ELN: variants seen among roughly 807,000 people sequenced by gnomAD.
The protein encoded by ELN is tropoelastin.
Under a neutral mutation model 105.8 loss-of-function variants are expected in ELN, and 65 were observed. The ratio of observed to expected loss-of-function variants is 0.61; its 90% CI spans 0.50 to 0.75. ELN has a LOEUF of 0.75. Among genes scored for constraint, ELN ranks in the 30% least tolerant of loss-of-function variants. The probability of loss-of-function intolerance (pLI) is 0.00; values close to 1 mark genes in which losing one functional copy is unlikely to be tolerated. For synonymous variants in ELN, 368 were observed against 389.2 expected (o/e 0.95, Z 0.64); for missense variants, 882 against 969.4 (o/e 0.91, Z 1.20).
intron 11 of ELN, 26 bp downstream of exon 11, chr7:74,046,243 AG>A (rs781817134): frequency 2.9e-5 from 46 of 1,614,024 alleles, no homozygotes; most frequent in Non-Finnish European, 3.7e-5. Context: ...TGGGAGAAGC[AG>A]GGTGGCCAGC....
chr7:74,059,551 G>A (rs1474196146), intron 22 of ELN: 2 of 442,704 alleles, frequency 4.5e-6, no homozygotes, highest in Non-Finnish European at 8.3e-6. Context: ...GGGCATGGTG[G>A]TGCGCACCTG....
At chr7:74,065,775 C>T in intron 30 of ELN, 43 bp downstream of exon 30, 1 of 1,613,680 alleles carries the variant, frequency 6.2e-7, no homozygotes, top group East Asian at 2.2e-5. Context: ...GCCTGCACCC[C>T]CTGCCATGCC....
At chr7:74,064,566 A>T (rs921677248) in intron 29 of ELN, among the ~76,000 whole-genome samples, 1 of 152,032 alleles carries the variant, frequency 6.6e-6, no homozygotes, top group Non-Finnish European at 1.5e-5. Context: ...CAGTGAGCCA[A>T]GATCACGCCG....
chr7:74,057,952 T>C (rs1300104050), intron 22 of ELN, among the ~76,000 whole-genome samples: 2 of 152,116 alleles, frequency 1.3e-5, no homozygotes, highest in Non-Finnish European at 2.9e-5. Context: ...CCCAGGCTAT[T>C]GGGGACCTGA....
chr7:74,067,332 A>C (rs1798174007), intron 32 of ELN, among the ~76,000 whole-genome samples: 1 of 151,722 alleles, frequency 6.6e-6, no homozygotes, highest in Non-Finnish European at 1.5e-5. Flanking sequence ...CAGTGGCACG[A>C]TCTTGGCTCA....
At position 74,063,896 on chromosome 7, in the gene ELN, A is replaced by G. The variant is rs1162494576; in HGVS notation, c.1993+201A>G. 6.6e-6 allele frequency among the ~76,000 whole-genome samples: 1 copy of G among 151,814 alleles called. No homozygotes were observed. Among genetic ancestry groups the G allele is most frequent in the African/African-American group, 2.4e-5 (1 of 41,288 alleles). On this transcript the variant is annotated intron_variant, in intron 29 of 32. Coordinates refer to ENST00000252034, the MANE Select transcript of ELN (RefSeq NM_000501.4). The surrounding 1 kb of genome is among the most constrained non-coding windows in gnomAD (Gnocchi z 4.1). The stretch of plus-strand genomic sequence containing the variant: ...GGTGGGCGGATCACTAGAGGTGAGG[A>G]GTTTGAGACCAGCCTGGGTGACATG...
intron 12 of ELN, 148 bp downstream of exon 12, chr7:74,046,915 C>G (rs1049842766): frequency 2.2e-5 from 20 of 926,478 alleles, no homozygotes; most frequent in Admixed American, 2.0e-5. Flanking sequence ...AAAACCCCGT[C>G]CCTACTAAAG....
At chr7:74,065,023 T>C (rs1390807253) in intron 29 of ELN, among the ~76,000 whole-genome samples, 2 of 151,980 alleles carry the variant, frequency 1.3e-5, no homozygotes, top group Non-Finnish European at 2.9e-5. Context: ...GGTGGATTGC[T>C]TGAGGCCAGG....
At chr7:74,041,192 C>A in intron 4 of ELN, 24 bp from the exon 5 acceptor site, 3 of 1,613,970 alleles carry the variant, frequency 1.9e-6, no homozygotes, top group South Asian at 2.2e-5. Flanking sequence ...TGCCTACACT[C>A]CTGTCTCTGT....
Position 74,063,408 on chromosome 7 carries a change from C to G in ELN, c.1918+39C>G. 1 of 1,544,370 alleles carries G rather than the reference C, an allele frequency of 6.5e-7. No homozygotes were observed. Among genetic ancestry groups the G allele is most frequent in the Non-Finnish European group, 8.7e-7 (1 of 1,147,884 alleles). ...GGAGGTGGGAGCTGCCGCCAGGCCC[C>G]CAGGCCCCCAGGGTGTGGGAGGAGC... is the stretch of plus-strand genomic sequence containing the variant. On this transcript the variant is annotated intron_variant, in intron 28 of 32. Coordinates refer to ENST00000252034, the MANE Select transcript of ELN (RefSeq NM_000501.4). This position sits in a 1 kb window ranked among gnomAD's most constrained non-coding sequence, Gnocchi z 4.1.
rs547132256 is a variant in ELN at position 74,058,075 on chromosome 7, T to C, written c.1414+379T>C. Among the ~76,000 whole-genome samples the C allele has an allele frequency of 4.6e-5, 7 of 151,456 alleles. No homozygotes were observed. In the South Asian group the frequency reaches 1.5e-3, roughly 32 times the overall value. On this transcript the variant is annotated intron_variant, in intron 22 of 32. Transcript: ENST00000252034. ...CCTCTTCCTTCTTCTTCTTCTTCTT[T>C]CTTCTCCTCCTCCTCCTTCTCCTTC...
chr7:74,052,062 G>T (rs1181776870), intron 17 of ELN, 79 bp downstream of exon 17: 8 of 1,553,918 alleles, frequency 5.1e-6, no homozygotes, highest in African/African-American at 2.7e-5. Context: ...AAAGCCAGAT[G>T]GACTTGGCCT....
At chr7:74,032,093 C>T (rs1001009110) in intron 1 of ELN, among the ~76,000 whole-genome samples, 3 of 152,014 alleles carry the variant, frequency 2.0e-5, no homozygotes, top group Non-Finnish European at 4.4e-5. Flanking sequence ...AAGCAGAACA[C>T]GAAGGATGTT....
chr7:74,050,139 TTCCATCCATCCA>T (rs147069067), intron 15 of ELN, among the ~76,000 whole-genome samples: 5 of 127,382 alleles, frequency 3.9e-5, no homozygotes, highest in African/African-American at 6.1e-5. Flanking sequence ...CCATGCATCC[TTCCATCCATCCA>T]TCCATCCATC....
At chr7:74,051,009 T>C (rs1233145426) in intron 15 of ELN, among the ~76,000 whole-genome samples, 2 of 152,220 alleles carry the variant, frequency 1.3e-5, no homozygotes, top group Non-Finnish European at 2.9e-5. Flanking sequence ...ACTATAAAAA[T>C]GTTAACTCAC....
At chr7:74,031,020 A>G (rs1788540044) in intron 1 of ELN, among the ~76,000 whole-genome samples, 1 of 152,208 alleles carries the variant, frequency 6.6e-6, no homozygotes, top group Admixed American at 6.5e-5. Flanking sequence ...AACAACAAAC[A>G]GCTTCGTGTG....
chr7:74,046,544 T>C (rs1208821514), intron 11 of ELN, 152 bp from the exon 12 acceptor site: 2 of 824,002 alleles, frequency 2.4e-6, no homozygotes, highest in Non-Finnish European at 4.0e-6. Flanking sequence ...ATTTCTCAAC[T>C]GACCCATGAT....
intron 15 of ELN, 136 bp from the exon 16 acceptor site, chr7:74,051,614 A>C (rs1794051771): frequency 1.1e-6 from 1 of 874,342 alleles, no homozygotes; most frequent in Non-Finnish European, 1.8e-6. Context: ...CTCCCCAGAC[A>C]GGCCCATCTG....
intron 5 of ELN, 38 bp downstream of exon 5, chr7:74,041,289 G>A (rs1554668375): frequency 6.2e-6 from 10 of 1,613,464 alleles, no homozygotes; most frequent in Non-Finnish European, 8.5e-6. Context: ...CCCCTGTGGG[G>A]ACCAGCCCCT....
Sources: gnomAD v4.1 joint callset for allele counts (sites outside exome capture counted in the v4.1 genomes callset) on GRCh38, gnomAD v4.1.1 for gene constraint, Gnocchi (gnomAD v3.1) non-coding constraint, MANE v1.5 for transcripts, NCBI Gene and HGNC (gene_info 2026-07-23, HGNC 2026-07-21) for gene names.